The following BORCS5 variants were observed in gnomAD, a reference collection of about 807,000 sequenced individuals.
BORCS5 encodes the protein BLOC-1 related complex subunit 5.
Under a neutral mutation model 22.1 loss-of-function variants are expected in BORCS5, and 17 were observed. The observed-to-expected ratio is 0.77, with a 90% CI of 0.53 to 1.15. The LOEUF is 1.15. BORCS5 is among the 50% of genes most tolerant of loss of function. The pLI is 0.00. For missense variants in BORCS5, 247 were observed against 253.2 expected (o/e 0.98, Z 0.17); for synonymous variants, 117 against 99.8 (o/e 1.17, Z -1.03).
intron 2 of BORCS5, among the ~76,000 whole-genome samples, chr12:12,431,344 T>C (rs1349020658): frequency 6.6e-6 from 1 of 152,170 alleles, no homozygotes; most frequent in African/African-American, 2.4e-5. Flanking sequence ...GAGGTATTGG[T>C]ATTTCCTTTT....
chr12:12,381,976 T>C lies in BORCS5; in HGVS notation c.202+20627T>C, dbSNP rs975689248. Among the ~76,000 whole-genome samples the C allele has an allele frequency of 9.2e-5, 14 of 151,460 alleles. 1 individual carries two copies. ...GTTGCTGGTGTGGATACATTTAGAA[T>C]TATTATATCTTCATGATGTAACAAC... On this transcript the variant is annotated intron_variant, in intron 2 of 3. Coordinates refer to ENST00000314565, the MANE Select transcript of BORCS5 (RefSeq NM_058169.6).
At chr12:12,434,947 A>G (rs538222761) in intron 2 of BORCS5, among the ~76,000 whole-genome samples, 12 of 152,226 alleles carry the variant, frequency 7.9e-5, no homozygotes, top group Admixed American at 1.3e-4. Context: ...GGCCTCTTCA[A>G]TTGATTTCTT....
At chr12:12,429,693 C>T (rs1257773115) in intron 2 of BORCS5, among the ~76,000 whole-genome samples, 1 of 152,152 alleles carries the variant, frequency 6.6e-6, no homozygotes, top group African/African-American at 2.4e-5. Flanking sequence ...CCTCGTTTCC[C>T]TCACCCTCCA....
intron 3 of BORCS5, among the ~76,000 whole-genome samples, chr12:12,443,671 C>T (rs1942727788): frequency 6.6e-6 from 1 of 152,222 alleles, no homozygotes; most frequent in African/African-American, 2.4e-5. Flanking sequence ...TTTGGCAAGG[C>T]ATGAGCAGAG....
At chr12:12,386,865 A>G (rs1231581383) in intron 2 of BORCS5, among the ~76,000 whole-genome samples, 3 of 150,588 alleles carry the variant, frequency 2.0e-5, no homozygotes, top group South Asian at 2.1e-4. Flanking sequence ...ATTTATCTGC[A>G]CTGTTGGGTT....
chr12:12,418,296 C>T lies in BORCS5; in HGVS notation c.203-17332C>T, dbSNP rs567300999. Among the ~76,000 whole-genome samples the T allele has an allele frequency of 9.9e-5, 15 of 151,526 alleles. No homozygotes were observed. The East Asian group carries it at 2.9e-3, about 30-fold the overall frequency. ...CTCGTGATCTGCCCACCTTGGCCTC[C>T]CAAAGTGCTGAGATTACAGGCGTGA... On this transcript the variant is annotated intron_variant, in intron 2 of 3. Transcript: ENST00000314565.
In BORCS5 at chr12:12,357,435, C is replaced by A; in HGVS notation, c.-17C>A. The A allele has an allele frequency of 6.2e-7, 1 of 1,604,598 alleles. No homozygotes were observed. The highest frequency in any genetic ancestry group is 8.5e-7 in the Non-Finnish European group (1 of 1,172,944). ...CGCCCGGCCCGCCGTTCTTCTGCTGCCACCGCTGTCGGCACCATGGGCAGT... is the reference window on the plus strand; with the variant it reads ...CGCCCGGCCCGCCGTTCTTCTGCTGACACCGCTGTCGGCACCATGGGCAGT... On this transcript the variant is annotated 5_prime_UTR_variant, in exon 1 of 4. Transcript: ENST00000314565.
intron 3 of BORCS5, among the ~76,000 whole-genome samples, chr12:12,446,483 C>T (rs1467355460): frequency 6.6e-6 from 1 of 152,208 alleles, no homozygotes; most frequent in African/African-American, 2.4e-5. Context: ...TACTATCACC[C>T]TGCTCACTGT....
At chr12:12,376,495 A>G (rs756768146) in intron 2 of BORCS5, among the ~76,000 whole-genome samples, 1 of 152,130 alleles carries the variant, frequency 6.6e-6, no homozygotes, top group Non-Finnish European at 1.5e-5. Context: ...GGCCTCCCAA[A>G]GTGCTGGGAT....
At chr12:12,417,257 A>G (rs957872171) in intron 2 of BORCS5, among the ~76,000 whole-genome samples, 10 of 152,050 alleles carry the variant, frequency 6.6e-5, no homozygotes, top group African/African-American at 2.2e-4. Context: ...ACCGTCCACA[A>G]ATTGTGGATT....
chr12:12,425,549 T>A (rs1942265128), intron 2 of BORCS5, among the ~76,000 whole-genome samples: 1 of 152,308 alleles, frequency 6.6e-6, no homozygotes, highest in African/African-American at 2.4e-5. Context: ...ATCCTAATGA[T>A]TAAGTGGTAT....
chr12:12,459,996 A>G (rs540549327), intron 3 of BORCS5, among the ~76,000 whole-genome samples: 1 of 152,250 alleles, frequency 6.6e-6, no homozygotes, highest in South Asian at 2.1e-4. Context: ...TGTTCTTTCA[A>G]TTATTTTGGC....
At chr12:12,377,564 A>G (rs7307285) in intron 2 of BORCS5, among the ~76,000 whole-genome samples, 22,667 of 151,918 alleles carry the variant, frequency 0.15, 3,752 homozygotes, top group African/African-American at 0.41. Context: ...AGTAAATGCA[A>G]TTAAGCATTA....
intron 3 of BORCS5, among the ~76,000 whole-genome samples, chr12:12,462,361 T>C (rs1943122183): frequency 1.3e-5 from 2 of 152,240 alleles, no homozygotes; most frequent in Admixed American, 1.3e-4. Flanking sequence ...GGACCTGCTA[T>C]GTGCTGGGTA....
chr12:12,378,213 A>G, intron 2 of BORCS5, among the ~76,000 whole-genome samples: 1 of 152,158 alleles, frequency 6.6e-6, no homozygotes, highest in Non-Finnish European at 1.5e-5. Flanking sequence ...CTCTACTAAA[A>G]ATACAAAAAG....
intron 3 of BORCS5, among the ~76,000 whole-genome samples, chr12:12,463,779 G>A (rs1393626888): frequency 6.6e-6 from 1 of 152,218 alleles, no homozygotes; most frequent in Non-Finnish European, 1.5e-5. Flanking sequence ...TACCTGTGAA[G>A]ATGGCTGTGA....
intron 2 of BORCS5, among the ~76,000 whole-genome samples, chr12:12,370,388 T>C (rs1863500111): frequency 6.6e-6 from 1 of 152,180 alleles, no homozygotes; most frequent in Non-Finnish European, 1.5e-5. Context: ...AAGTCATTTT[T>C]TGGTGTAATT....
chr12:12,372,596 T>C (rs1863555281), intron 2 of BORCS5, among the ~76,000 whole-genome samples: 2 of 152,128 alleles, frequency 1.3e-5, no homozygotes, highest in Admixed American at 1.3e-4. Flanking sequence ...TTTGGACCCT[T>C]CCCATGTTTT....
At chr12:12,370,707 G>T (rs1863506606) in intron 2 of BORCS5, among the ~76,000 whole-genome samples, 2 of 151,632 alleles carry the variant, frequency 1.3e-5, no homozygotes, top group South Asian at 4.1e-4. Flanking sequence ...ATCTCAAAAT[G>T]TTCCAAAATT....
Sources: allele counts gnomAD v4.1 joint callset (sites outside exome capture counted in the v4.1 genomes callset), GRCh38; gene constraint gnomAD v4.1.1; transcripts MANE v1.5; gene names NCBI Gene and HGNC (gene_info 2026-07-23, HGNC 2026-07-21).